CNTRL: variants seen among roughly 807,000 people sequenced by gnomAD.
CNTRL encodes centriolin.
Under a neutral mutation model 303.7 loss-of-function variants are expected in CNTRL, and 233 were observed. The observed-to-expected ratio is 0.77, with a 90% CI of 0.69 to 0.86. The LOEUF (loss-of-function observed/expected upper bound fraction) is 0.86. Ranked by LOEUF, CNTRL falls within the 40% of genes least tolerant of loss-of-function variation. The pLI, the probability that CNTRL is intolerant of heterozygous loss-of-function variation, is 0.00. For missense variants in CNTRL, 2,524 were observed against 2,650.6 expected (o/e 0.95, Z 1.05); for synonymous variants, 900 against 922.2 (o/e 0.98, Z 0.44).
intron 11 of CNTRL, among the ~76,000 whole-genome samples, chr9:121,116,961 C>T (rs2050005010): frequency 6.6e-6 from 1 of 152,174 alleles, no homozygotes; most frequent in South Asian, 2.1e-4. Context: ...TATAATAGTA[C>T]TGGCCAAAGC....
Position 121,162,112 on chromosome 9 carries a change from A to T in CNTRL, c.5264A>T (p.Glu1755Val), listed in dbSNP as rs1331940130. The T allele has an allele frequency of 3.1e-6, 5 of 1,614,100 alleles. No individual in the cohort carries two copies. Among genetic ancestry groups the T allele is most frequent in the Non-Finnish European group, 4.2e-6 (5 of 1,180,044 alleles). ...QISQQQKGEI[E>V]WQKQLLERDK... is the part of the protein sequence containing the mutation. ...TCCCAGCAGCAGAAAGGGGAAATAG[A>T]GTGGCAGAAGCAGCTCCTTGAGAGG... Residue 1755 changes from glutamate to valine, a missense_variant, in exon 34 of 44, where the codon GAG becomes GTG. Physicochemically the swap from Glu to Val is moderately radical, Grantham distance 121 (BLOSUM62 -2). Transcript: ENST00000373855.
At chr9:121,161,007 A>G (rs1564292920) in intron 32 of CNTRL, among the ~76,000 whole-genome samples, 1 of 152,216 alleles carries the variant, frequency 6.6e-6, no homozygotes, top group African/African-American at 2.4e-5. Context: ...TTGGAAACAG[A>G]TGACCAATTT....
At chr9:121,149,525 C>A (rs985692518) in intron 24 of CNTRL, among the ~76,000 whole-genome samples, 10 of 152,078 alleles carry the variant, frequency 6.6e-5, no homozygotes, top group Admixed American at 3.9e-4. Context: ...CCTGTTTCAG[C>A]CTCCCGAGTA....
At position 121,144,074 on chromosome 9, in the gene CNTRL, C is replaced by T. The variant is rs145513131; in HGVS notation, c.3043C>T (p.Arg1015Ter). ...HGTVMKINQE[R>*]AEELQEAERF... ...AACTGTTATGAAAATTAACCAGGAG[C>T]GAGCAGAGGTGAGTTCACATGTACA... Residue 1015 changes from arginine to a stop codon, truncating the protein, a stop_gained, in exon 20 of 44, where the codon CGA (arginine) becomes TGA (stop). Transcript: ENST00000373855. LOFTEE classifies it high-confidence loss of function. The T allele has an allele frequency of 2.3e-5, 37 of 1,607,548 alleles. No homozygotes were observed. The highest frequency in any genetic ancestry group is 5.4e-5 in the African/African-American group (4 of 74,354).
At chr9:121,087,706 A>G (rs1410723348) in intron 2 of CNTRL, among the ~76,000 whole-genome samples, 2 of 152,192 alleles carry the variant, frequency 1.3e-5, no homozygotes, top group Non-Finnish European at 1.5e-5. Context: ...AAAATAAAAA[A>G]TTAAATAGAG....
rs2053390223 is a variant in CNTRL at position 121,173,433 on chromosome 9, T to C, written c.6608T>C (p.Leu2203Ser). Reference sequence around the variant, plus strand: ...AACCTAGAAGGAGAATTGGAAAGCTTGAAAGAGAACCTTCCATTTACCATG... The same window carrying C: ...AACCTAGAAGGAGAATTGGAAAGCTCGAAAGAGAACCTTCCATTTACCATG... The part of the protein sequence containing the change: ...NENLEGELES[L>S]KENLPFTMNE... The change falls in exon 41 of 44, where the codon TTG becomes TCG. Residue 2203 changes from leucine (L) to serine (S), a missense_variant. Coordinates refer to ENST00000373855, the MANE Select transcript of CNTRL (RefSeq NM_007018.6). 3 of 1,614,026 alleles carry C rather than the reference T, an allele frequency of 1.9e-6. No individual in the cohort carries two copies. The highest frequency in any genetic ancestry group is 2.5e-6 in the Non-Finnish European group (3 of 1,180,016).
chr9:121,087,404 C>T (rs992192174), intron 2 of CNTRL, among the ~76,000 whole-genome samples: 5 of 152,100 alleles, frequency 3.3e-5, no homozygotes, highest in South Asian at 4.2e-4. Flanking sequence ...TTATAAATAT[C>T]GGCTGGGCAT....
intron 8 of CNTRL, among the ~76,000 whole-genome samples, chr9:121,108,251 G>A (rs117834590): frequency 1.3e-5 from 2 of 152,114 alleles, no homozygotes; most frequent in Non-Finnish European, 2.9e-5. Context: ...AGGTGAGGCT[G>A]TTCATTGGCA....
At chr9:121,140,892 A>G in intron 17 of CNTRL, 106 bp downstream of exon 17, 1 of 1,135,138 alleles carries the variant, frequency 8.8e-7, no homozygotes, top group Non-Finnish European at 1.2e-6. Flanking sequence ...TGTTAATGGC[A>G]AATTTCTTTT....
intron 7 of CNTRL, 50 bp from the exon 8 acceptor site, chr9:121,107,752 T>A (rs1470693919): frequency 4.3e-6 from 5 of 1,154,652 alleles, no homozygotes; most frequent in Non-Finnish European, 4.8e-6. Context: ...CTTACCTTTT[T>A]AAAAATAGGA....
chr9:121,118,274 T>C, intron 11 of CNTRL, 72 bp from the exon 12 acceptor site: 1 of 1,197,144 alleles, frequency 8.4e-7, no homozygotes, highest in Non-Finnish European at 1.1e-6. Context: ...CTTATTAAAA[T>C]TATAGACATT....
chr9:121,174,402 ATTAAG>A (rs2053439246), intron 42 of CNTRL, among the ~76,000 whole-genome samples: 1 of 152,220 alleles, frequency 6.6e-6, no homozygotes, highest in African/African-American at 2.4e-5. Context: ...ATAAATTATA[ATTAAG>A]TTAAAAATTC....
At chr9:121,150,528 G>T in intron 25 of CNTRL, 45 bp downstream of exon 25, 1 of 1,565,592 alleles carries the variant, frequency 6.4e-7, no homozygotes, top group South Asian at 1.1e-5. Flanking sequence ...TGCTTCCATG[G>T]GTGACTGATA....
At chr9:121,158,149 A>T (rs1202476255) in intron 30 of CNTRL, 40 bp downstream of exon 30, 1 of 1,600,606 alleles carries the variant, frequency 6.2e-7, no homozygotes, top group African/African-American at 1.4e-5. Flanking sequence ...CTGACACAGC[A>T]CTTTATGATT....
intron 23 of CNTRL, among the ~76,000 whole-genome samples, 163 bp downstream of exon 23, chr9:121,146,419 G>T (rs578248093): frequency 7.2e-5 from 11 of 152,312 alleles, no homozygotes; most frequent in African/African-American, 2.6e-4. Flanking sequence ...TGAAAATAGG[G>T]CCTTCTTGGG....
At position 121,098,469 on chromosome 9, in the gene CNTRL, T is replaced by G. The variant is rs768588394; in HGVS notation, c.705T>G (p.His235Gln). The change falls in exon 7 of 44, where the codon CAT becomes CAG. Residue 235 changes from histidine (H) to glutamine (Q), a missense_variant. Transcript: ENST00000373855. ...LVENPVVTLP[H>Q]YLQFTIFHLR... ...AAAATCCAGTTGTGACCCTTCCTCATTACCTCCAGTTTACCATTTTCCACC... is the reference window on the plus strand; with the variant it reads ...AAAATCCAGTTGTGACCCTTCCTCAGTACCTCCAGTTTACCATTTTCCACC... The G allele has an allele frequency of 3.7e-6, 6 of 1,613,794 alleles. No individual in the cohort carries two copies. Among genetic ancestry groups the G allele is most frequent in the Non-Finnish European group, 5.1e-6 (6 of 1,179,698 alleles).
At chr9:121,102,258 A>G (rs1462071737) in intron 7 of CNTRL, among the ~76,000 whole-genome samples, 1 of 152,228 alleles carries the variant, frequency 6.6e-6, no homozygotes, top group East Asian at 1.9e-4. Context: ...ACACAAATTG[A>G]TAAACATAAT....
chr9:121,166,909 T>C (rs189918405), intron 36 of CNTRL, among the ~76,000 whole-genome samples: 31 of 152,072 alleles, frequency 2.0e-4, no homozygotes, highest in Admixed American at 1.8e-3. Context: ...TAATCCCAGC[T>C]ACTCGGGAGG....
intron 8 of CNTRL, among the ~76,000 whole-genome samples, chr9:121,109,217 G>A (rs1327478385): frequency 6.6e-6 from 1 of 152,026 alleles, no homozygotes; most frequent in African/African-American, 2.4e-5. Flanking sequence ...ATATTATATT[G>A]TTTAGGAAAT....
Sources: allele counts gnomAD v4.1 joint callset (sites outside exome capture counted in the v4.1 genomes callset), GRCh38; gene constraint gnomAD v4.1.1; transcripts MANE v1.5; gene names NCBI Gene and HGNC (gene_info 2026-07-23, HGNC 2026-07-21).